SLCO3A1: variants seen among roughly 807,000 people sequenced by gnomAD.
SLCO3A1 encodes the protein solute carrier organic anion transporter family member 3A1, also known as PGE1 transporter.
Under a neutral mutation model 63.1 loss-of-function variants are expected in SLCO3A1, and 27 were observed. The observed-to-expected ratio is 0.43, with a 90% CI of 0.32 to 0.59. The LOEUF (loss-of-function observed/expected upper bound fraction) is 0.59, where lower values mean the gene tolerates loss of function less well. SLCO3A1 is among the 20% of genes least tolerant of loss of function. SLCO3A1 has a pLI of 0.09. For synonymous variants in SLCO3A1, 473 were observed against 409.9 expected (o/e 1.15, Z -1.86); for missense variants, 773 against 945.8 (o/e 0.82, Z 2.40).
intron 10 of SLCO3A1, chr15:92,171,590 C>T: frequency 1.8e-6 from 1 of 545,908 alleles, no homozygotes; most frequent in Non-Finnish European, 3.3e-6. Flanking sequence ...TCAAAAAAGT[C>T]TCTGGGCTCA....
chr15:91,960,608 A>C (rs1900409684), intron 2 of SLCO3A1, among the ~76,000 whole-genome samples: 1 of 152,176 alleles, frequency 6.6e-6, no homozygotes, highest in Non-Finnish European at 1.5e-5. Context: ...TACTTATCTC[A>C]GCAGACATTC....
At chr15:91,947,596 G>A (rs779048680) in intron 2 of SLCO3A1, among the ~76,000 whole-genome samples, 5 of 152,220 alleles carry the variant, frequency 3.3e-5, no homozygotes, top group South Asian at 2.1e-4. Flanking sequence ...AGATAGGGCC[G>A]ACAGATCGTT....
At chr15:92,132,373 A>C (rs1209170941) in intron 7 of SLCO3A1, among the ~76,000 whole-genome samples, 1 of 143,830 alleles carries the variant, frequency 7.0e-6, no homozygotes, top group Admixed American at 6.9e-5. Flanking sequence ...CTTGAGTGAT[A>C]GCAATGGAAG....
At position 91,854,778 on chromosome 15, in the gene SLCO3A1, A is replaced by G. The variant is rs1896871352; in HGVS notation, c.180+690A>G. Among the ~76,000 whole-genome samples, 1 of 152,186 alleles carries G rather than the reference A, an allele frequency of 6.6e-6. No individual in the cohort carries two copies. The highest frequency in any genetic ancestry group is 2.1e-4 in the South Asian group (1 of 4,834). ...ATCCACTCTTAGTGCTAAATTCCCC[A>G]TCGTGGTCTGTCGCCTACAGAAGGT... is the stretch of plus-strand genomic sequence containing the variant. On this transcript the variant is annotated intron_variant, in intron 1 of 9. Coordinates refer to ENST00000318445, the MANE Select transcript of SLCO3A1 (RefSeq NM_013272.4). The surrounding 1 kb of genome is among the most constrained non-coding windows in gnomAD (Gnocchi z 6.4).
chr15:92,164,924 T>C lies in SLCO3A1; in HGVS notation c.*1789T>C. The C allele has an allele frequency of 1.0e-6, 1 of 985,304 alleles. No homozygotes were observed. The highest frequency in any genetic ancestry group is 1.2e-6 in the Non-Finnish European group (1 of 829,916). 61.0% of individuals were successfully genotyped at this position (985,304 alleles called of 1,614,324 possible). A position where few individuals can be genotyped will look rare whatever the true frequency, so the allele number is the denominator to read the frequency against. On this transcript the variant is annotated 3_prime_UTR_variant, in exon 10 of 10. Coordinates refer to ENST00000318445, the MANE Select transcript of SLCO3A1 (RefSeq NM_013272.4). Reference sequence around the variant, plus strand: ...TACTCCTCATGCTGCTTCAGTGACCTTTGTTCATGTCACATTCCTGGCGCT... The same window carrying C: ...TACTCCTCATGCTGCTTCAGTGACCCTTGTTCATGTCACATTCCTGGCGCT...
intron 2 of SLCO3A1, among the ~76,000 whole-genome samples, chr15:92,056,622 A>G (rs1430925864): frequency 6.6e-6 from 1 of 152,202 alleles, no homozygotes; most frequent in African/African-American, 2.4e-5. Context: ...CTCCAAAGCC[A>G]TGTTCCCTAT....
intron 2 of SLCO3A1, among the ~76,000 whole-genome samples, chr15:92,018,146 G>C (rs1011207272): frequency 2.6e-5 from 4 of 152,236 alleles, no homozygotes; most frequent in Admixed American, 2.6e-4. Context: ...ACAGATGTGA[G>C]GCCAGGCCTT....
intron 2 of SLCO3A1, among the ~76,000 whole-genome samples, chr15:91,975,959 T>C (rs1901092144): frequency 6.6e-6 from 1 of 152,208 alleles, no homozygotes; most frequent in African/African-American, 2.4e-5. Context: ...ACCCCTGGGG[T>C]ACTGTATTGC....
intron 2 of SLCO3A1, among the ~76,000 whole-genome samples, chr15:91,965,178 G>A (rs557579228): frequency 6.6e-6 from 1 of 152,260 alleles, no homozygotes; most frequent in South Asian, 2.1e-4. Context: ...GAGAACAGGA[G>A]AATTGGAGAG....
intron 2 of SLCO3A1, among the ~76,000 whole-genome samples, chr15:91,992,492 G>A (rs780250901): frequency 2.0e-5 from 3 of 152,152 alleles, no homozygotes; most frequent in Non-Finnish European, 2.9e-5. Context: ...TATGCTCAAG[G>A]ATCTGTTGAG....
At chr15:92,089,490 C>T (rs1429724628) in intron 2 of SLCO3A1, among the ~76,000 whole-genome samples, 4 of 152,154 alleles carry the variant, frequency 2.6e-5, no homozygotes, top group South Asian at 2.1e-4. Flanking sequence ...CTTCAAACTC[C>T]ACAAGGGTGA....
intron 9 of SLCO3A1, among the ~76,000 whole-genome samples, chr15:92,160,966 G>GT (rs147056619): frequency 0.024 from 3,634 of 152,240 alleles, 136 homozygotes; most frequent in African/African-American, 0.082. Context: ...GATTTTATGG[G>GT]TAGGTGCATT....
chr15:92,017,287 G>C lies in SLCO3A1; in HGVS notation c.647-77594G>C, dbSNP rs1026474123. ...CATTGAGTTGGAGGAGCTGGGATTG[G>C]GGGGGGGTAGGGAAAGAGCAGGTGG... On this transcript the variant is annotated intron_variant, in intron 2 of 9. Coordinates refer to ENST00000318445, the MANE Select transcript of SLCO3A1 (RefSeq NM_013272.4). 4.5e-5 allele frequency among the ~76,000 whole-genome samples: 6 copies of C among 132,314 alleles called. No homozygotes were observed. In the South Asian group the frequency reaches 6.2e-4, roughly 14 times the overall value. The allele number at this position is 132,314 out of a possible 152,430, so 86.8% of individuals were successfully genotyped here. A position where few individuals can be genotyped will look rare whatever the true frequency, so the allele number is the denominator to read the frequency against.
intron 2 of SLCO3A1, among the ~76,000 whole-genome samples, chr15:91,926,596 T>TGTGTGTGTGTGTGTGTGTGTGTGTGCGC: frequency 4.9e-4 from 52 of 105,310 alleles, no homozygotes; most frequent in African/African-American, 1.8e-3. Flanking sequence ...TGTGTGTGTG[T>TGTGTGTGTGTGTGTGTGTGTGTGTGCGC]GCGCGCGCGC....
chr15:92,015,963 T>TC (rs1235089121), intron 2 of SLCO3A1, among the ~76,000 whole-genome samples: 1 of 152,158 alleles, frequency 6.6e-6, no homozygotes, highest in Non-Finnish European at 1.5e-5. Context: ...ATGTGGTTGG[T>TC]CACCAAATGA....
At chr15:91,914,563 CTT>C in intron 1 of SLCO3A1, among the ~76,000 whole-genome samples, 1 of 138,622 alleles carries the variant, frequency 7.2e-6, no homozygotes, top group South Asian at 2.4e-4. Context: ...CAACTATTTT[CTT>C]CCTTTTTTTT....
At chr15:92,005,227 A>G (rs962609838) in intron 2 of SLCO3A1, among the ~76,000 whole-genome samples, 2 of 152,234 alleles carry the variant, frequency 1.3e-5, no homozygotes, top group Admixed American at 1.3e-4. Context: ...GTAAGTAGAA[A>G]GTCATCAAGG....
At chr15:92,040,453 G>A (rs1205147164) in intron 2 of SLCO3A1, among the ~76,000 whole-genome samples, 1 of 152,134 alleles carries the variant, frequency 6.6e-6, no homozygotes, top group African/African-American at 2.4e-5. Flanking sequence ...AATCTGCTGT[G>A]CCCAGAGATA....
intron 2 of SLCO3A1, among the ~76,000 whole-genome samples, chr15:91,946,627 C>T (rs1899815981): frequency 6.6e-6 from 1 of 152,104 alleles, no homozygotes; most frequent in African/African-American, 2.4e-5. Context: ...AATAGGACTT[C>T]GTAGTATGGG....
Sources: gnomAD v4.1 joint callset for allele counts (sites outside exome capture counted in the v4.1 genomes callset) on GRCh38, gnomAD v4.1.1 for gene constraint, Gnocchi (gnomAD v3.1) non-coding constraint, MANE v1.5 for transcripts, NCBI Gene and HGNC (gene_info 2026-07-23, HGNC 2026-07-21) for gene names.